ALK: variants seen among roughly 807,000 people sequenced by gnomAD.
ALK encodes the protein ALK receptor tyrosine kinase.
ALK carries 74 observed loss-of-function variants against 163.1 expected under a neutral mutation model. That is an observed-to-expected ratio of 0.45 (90% CI 0.38 to 0.55). The LOEUF is 0.55. Among genes scored for constraint, ALK ranks in the 20% least tolerant of loss-of-function variants. The pLI, the probability that ALK is intolerant of heterozygous loss-of-function variation, is 0.00. For synonymous variants in ALK, 960 were observed against 843.2 expected (o/e 1.14, Z -2.40); for missense variants, 2,063 against 2,105.3 (o/e 0.98, Z 0.39).
intron 1 of ALK, among the ~76,000 whole-genome samples, chr2:29,827,053 C>T (rs1056701436): frequency 1.3e-5 from 2 of 152,216 alleles, no homozygotes; most frequent in Admixed American, 6.5e-5. Flanking sequence ...ACAGAGATAT[C>T]GGTCTCAATC....
intron 1 of ALK, among the ~76,000 whole-genome samples, chr2:29,757,322 A>G (rs1680563484): frequency 6.6e-6 from 1 of 152,100 alleles, no homozygotes; most frequent in Non-Finnish European, 1.5e-5. Flanking sequence ...GCCCTAGAGG[A>G]CACCATCACC....
chr2:29,879,109 A>T (rs919809223), intron 1 of ALK, among the ~76,000 whole-genome samples: 17 of 152,000 alleles, frequency 1.1e-4, no homozygotes, highest in African/African-American at 4.1e-4. Flanking sequence ...AGGATATATG[A>T]CCCACCCCTG....
intron 4 of ALK, among the ~76,000 whole-genome samples, chr2:29,509,147 A>G (rs1312127498): frequency 6.6e-6 from 1 of 152,174 alleles, no homozygotes. Flanking sequence ...GGGAAAAGAG[A>G]GTCAATTTTG....
intron 3 of ALK, among the ~76,000 whole-genome samples, chr2:29,678,664 T>A (rs940081238): frequency 1.3e-4 from 19 of 151,384 alleles, no homozygotes; most frequent in Admixed American, 1.1e-3. Flanking sequence ...ATATACTTTT[T>A]AAATTTTACT....
At chr2:29,201,805 A>G (rs948539107) in intron 26 of ALK, among the ~76,000 whole-genome samples, 4 of 151,224 alleles carry the variant, frequency 2.6e-5, no homozygotes, top group African/African-American at 9.7e-5. Context: ...AAAATCTTGA[A>G]TCTGACTACT....
chr2:29,318,695 T>C (rs1476910848), intron 7 of ALK, among the ~76,000 whole-genome samples: 1 of 151,968 alleles, frequency 6.6e-6, no homozygotes. Flanking sequence ...GCCTCCCAAG[T>C]GGCAGACTAC....
In ALK at chr2:29,565,553, A is replaced by T. The variant is rs75934176; in HGVS notation, c.953-33437T>A. On this transcript the variant is annotated intron_variant, in intron 3 of 28. Coordinates refer to ENST00000389048, the MANE Select transcript of ALK (RefSeq NM_004304.5). ...GCAGAGAATAACAACAGCAGAGCCT[A>T]AACAAACAAGAAGAGCCCTTGGGAT... Among the ~76,000 whole-genome samples the T allele has an allele frequency of 8.9e-4, 135 of 152,316 alleles. 1 individual carries two copies. Among genetic ancestry groups the T allele is most frequent in the African/African-American group, 3.2e-3 (134 of 41,566 alleles).
intron 8 of ALK, among the ~76,000 whole-genome samples, chr2:29,311,995 C>T (rs1278101315): frequency 6.6e-6 from 1 of 151,838 alleles, no homozygotes; most frequent in Non-Finnish European, 1.5e-5. Flanking sequence ...GTGGCAGGGC[C>T]CCCTTGGCTG....
At chr2:29,715,259 C>T (rs1292204929) in intron 2 of ALK, among the ~76,000 whole-genome samples, 14 of 152,210 alleles carry the variant, frequency 9.2e-5, no homozygotes, top group Non-Finnish European at 1.8e-4. Context: ...CCCCATAAAT[C>T]AATAGCAACG....
chr2:29,447,766 C>T (rs1036793072), intron 4 of ALK, among the ~76,000 whole-genome samples: 1 of 152,176 alleles, frequency 6.6e-6, no homozygotes, highest in Non-Finnish European at 1.5e-5. Context: ...GTTTCCTAAC[C>T]AGAAACCCAC....
intron 1 of ALK, among the ~76,000 whole-genome samples, chr2:29,762,724 A>G (rs981398458): frequency 6.6e-6 from 1 of 152,242 alleles, no homozygotes; most frequent in African/African-American, 2.4e-5. Context: ...TGTTGCAGCC[A>G]TGCAAGGAGG....
chr2:29,631,590 C>G (rs529002286), intron 3 of ALK, among the ~76,000 whole-genome samples: 25 of 152,322 alleles, frequency 1.6e-4, no homozygotes, highest in African/African-American at 6.0e-4. Context: ...TAGTTAACCT[C>G]TTTGATTTCA....
At chr2:29,446,303 A>C (rs1392437016) in intron 4 of ALK, among the ~76,000 whole-genome samples, 1 of 152,074 alleles carries the variant, frequency 6.6e-6, no homozygotes, top group Non-Finnish European at 1.5e-5. Context: ...GAATTGTCTT[A>C]GGTTTGCATG....
chr2:29,458,485 T>C (rs1398890747), intron 4 of ALK, among the ~76,000 whole-genome samples: 1 of 152,186 alleles, frequency 6.6e-6, no homozygotes, highest in Non-Finnish European at 1.5e-5. Flanking sequence ...GATTGGGCTG[T>C]CTTTCATTTG....
intron 11 of ALK, among the ~76,000 whole-genome samples, chr2:29,252,425 A>G (rs1180431451): frequency 6.6e-6 from 1 of 152,254 alleles, no homozygotes; most frequent in Admixed American, 6.5e-5. Context: ...TTGGGCATGC[A>G]TAATTTTGCT....
chr2:29,838,995 G>A (rs1262998334), intron 1 of ALK, among the ~76,000 whole-genome samples: 2 of 152,100 alleles, frequency 1.3e-5, no homozygotes, highest in African/African-American at 2.4e-5. Context: ...ATACTTTAAT[G>A]TTTTAAGTAG....
rs745923830 is a variant in ALK, at chr2:29,246,527, C to A, written c.2204+4578G>T. 3.9e-5 allele frequency among the ~76,000 whole-genome samples: 6 copies of A among 152,342 alleles called. No homozygotes were observed. The South Asian group carries it at 8.3e-4, about 21-fold the overall frequency. On this transcript the variant is annotated intron_variant, in intron 12 of 28. Coordinates refer to ENST00000389048, the MANE Select transcript of ALK (RefSeq NM_004304.5). The surrounding 1 kb of genome is among the most constrained non-coding windows in gnomAD (Gnocchi z 4.3). ...GTTACTCAGCACCACGGCCCAGAGG[C>A]CTCCTGATCAGGGCCCCTCTCGCTG...
intron 3 of ALK, among the ~76,000 whole-genome samples, chr2:29,617,873 A>G (rs987731759): frequency 2.6e-5 from 4 of 152,162 alleles, no homozygotes; most frequent in Non-Finnish European, 5.9e-5. Flanking sequence ...CCAGGGATCA[A>G]CAGACAGTGA....
intron 1 of ALK, among the ~76,000 whole-genome samples, chr2:29,890,195 C>T (rs970639341): frequency 6.6e-6 from 1 of 152,156 alleles, no homozygotes; most frequent in African/African-American, 2.4e-5. Flanking sequence ...CCACCTCAAG[C>T]AGACCATGTG....
Sources: allele counts gnomAD v4.1 joint callset (sites outside exome capture counted in the v4.1 genomes callset), GRCh38; gene constraint gnomAD v4.1.1; non-coding constraint Gnocchi (gnomAD v3.1); transcripts MANE v1.5; gene names NCBI Gene and HGNC (gene_info 2026-07-23, HGNC 2026-07-21).